Variants in XKR7 observed in about 807,000 individuals in gnomAD.
XKR7 encodes XK-related protein 7.
XKR7 carries 11 observed loss-of-function variants against 42.2 expected under a neutral mutation model. That is an observed-to-expected ratio of 0.26 (90% confidence interval 0.16 to 0.43). The LOEUF is 0.43. Ranked by LOEUF, XKR7 falls within the 20% of genes least tolerant of loss-of-function variation. The pLI is 1.00. For missense variants in XKR7, 710 were observed against 802.2 expected, an observed-to-expected ratio of 0.89 and a Z score of 1.39; for synonymous variants, 346 against 366.4, an observed-to-expected ratio of 0.94 and a Z score of 0.64.
At chr20:31,981,563 G>A (rs930804822) in intron 1 of XKR7, among the ~76,000 whole-genome samples, 2 of 152,024 alleles carry the variant, frequency 1.3e-5, no homozygotes, top group African/African-American at 4.8e-5. Context: ...GTGGTGGCAT[G>A]TATCTGTAAT....
chr20:31,994,361 A>G (rs1469002615), intron 1 of XKR7, among the ~76,000 whole-genome samples: 1 of 152,120 alleles, frequency 6.6e-6, no homozygotes, highest in Non-Finnish European at 1.5e-5. Context: ...ACTGCTTCCT[A>G]GCTGTGTGAC....
At chr20:31,978,380 G>C (rs947896608) in intron 1 of XKR7, among the ~76,000 whole-genome samples, 1 of 152,234 alleles carries the variant, frequency 6.6e-6, no homozygotes, top group Non-Finnish European at 1.5e-5. Flanking sequence ...AAAGTGCTGG[G>C]ATTGCAGGCG....
intron 1 of XKR7, among the ~76,000 whole-genome samples, chr20:31,983,864 C>T (rs1182617255): frequency 6.6e-6 from 1 of 151,990 alleles, no homozygotes; most frequent in East Asian, 1.9e-4. Flanking sequence ...GGGAGAATTG[C>T]TTGAACCCAG....
At chr20:31,979,994 A>AG (rs2064504164) in intron 1 of XKR7, among the ~76,000 whole-genome samples, 1 of 152,078 alleles carries the variant, frequency 6.6e-6, no homozygotes, top group Non-Finnish European at 1.5e-5. Flanking sequence ...TTTGCTGAAG[A>AG]GGGGCTGCCC....
chr20:31,996,717 GCCCACTGGTGCGTCATGA>G lies in XKR7; in HGVS notation c.1003_1020del (p.His335_Thr340del), dbSNP rs1313749110. ...GCTCTATTTTGGCATCTTCATCGTG[GCCCACTGGTGCGTCATGA>G]CCTTCTGGGTCATCCAAGGGGAGAC... On this transcript the variant is annotated inframe_deletion, in exon 3 of 3. Transcript: ENST00000562532. 6.2e-7 allele frequency: 1 copy of G among 1,612,852 alleles called. No individual in the cohort carries two copies. The highest frequency in any genetic ancestry group is 8.5e-7 in the Non-Finnish European group (1 of 1,179,380).
Position 31,998,652 on chromosome 20 carries a change from G to C in XKR7, c.*1195G>C, listed in dbSNP as rs1600664977. ...GGAGCTCTAGGCCCCTGTTACCTTG[G>C]TCCATAGCCATCTTTCTAAAAGGAA... On this transcript the variant is annotated 3_prime_UTR_variant, in exon 3 of 3. Coordinates refer to ENST00000562532, the MANE Select transcript of XKR7 (RefSeq NM_001011718.2). The C allele has an allele frequency of 6.6e-6, 1 of 152,140 alleles. No homozygotes were observed. The highest frequency in any genetic ancestry group is 1.9e-4 in the East Asian group (1 of 5,174). The allele number at this position is 152,140 out of a possible 1,614,324, so 9.4% of individuals were successfully genotyped here.
intron 1 of XKR7, among the ~76,000 whole-genome samples, chr20:31,991,669 C>T (rs945574891): frequency 1.3e-5 from 2 of 152,198 alleles, no homozygotes. Flanking sequence ...TATGTCCCTG[C>T]CCATTAAAAC....
At chr20:31,983,252 G>C (rs949387620) in intron 1 of XKR7, among the ~76,000 whole-genome samples, 1 of 152,188 alleles carries the variant, frequency 6.6e-6, no homozygotes, top group Non-Finnish European at 1.5e-5. Context: ...CACTCTCATG[G>C]AGCCTGCAGT....
At chr20:31,974,261 G>C (rs963433744) in intron 1 of XKR7, among the ~76,000 whole-genome samples, 2 of 152,168 alleles carry the variant, frequency 1.3e-5, no homozygotes, top group African/African-American at 4.8e-5. Context: ...AGATGCATGA[G>C]GAGGCTGCTA....
chr20:31,986,501 G>A (rs2064541163), intron 1 of XKR7, among the ~76,000 whole-genome samples: 1 of 106,070 alleles, frequency 9.4e-6, no homozygotes, highest in Non-Finnish European at 1.9e-5. Flanking sequence ...AACAGATCCA[G>A]TATCCAAGGC....
rs115475259 is a variant in XKR7, at chr20:32,001,399, C to G, written c.*3942C>G. On this transcript the variant is annotated 3_prime_UTR_variant, in exon 3 of 3. Transcript: ENST00000562532. ...CACTCATATTTGGCCCACGTGCCAC[C>G]AGTTTGAGACTTACGGTTCAAAATG... The G allele has an allele frequency of 6.6e-6, 1 of 152,178 alleles. No individual in the cohort carries two copies. Among genetic ancestry groups the G allele is most frequent in the Non-Finnish European group, 1.5e-5 (1 of 68,052 alleles). The allele number at this position is 152,178 out of a possible 1,614,324, so 9.4% of individuals were successfully genotyped here.
intron 1 of XKR7, among the ~76,000 whole-genome samples, chr20:31,976,734 C>T (rs2064487155): frequency 6.6e-6 from 1 of 152,188 alleles, no homozygotes; most frequent in Non-Finnish European, 1.5e-5. Flanking sequence ...CCACTGTTAA[C>T]ATTCTGGGTT....
chr20:31,969,247 C>T (rs1239639914), intron 1 of XKR7, among the ~76,000 whole-genome samples: 2 of 152,210 alleles, frequency 1.3e-5, no homozygotes, highest in East Asian at 3.9e-4. Flanking sequence ...GAATTTGAGA[C>T]AGCTAAATGA....
chr20:31,986,220 T>A (rs1260420165), intron 1 of XKR7, among the ~76,000 whole-genome samples: 3 of 63,172 alleles, frequency 4.7e-5, no homozygotes, highest in South Asian at 5.5e-4. Context: ...AGATCCAGTA[T>A]CCAAGGCACA....
intron 1 of XKR7, chr20:31,970,215 A>G (rs1477943955): frequency 1.3e-5 from 2 of 152,208 alleles, no homozygotes; most frequent in Non-Finnish European, 2.9e-5. Flanking sequence ...AGATGGTGAA[A>G]GATATTTTTA....
chr20:31,974,354 G>A (rs1477021724), intron 1 of XKR7, among the ~76,000 whole-genome samples: 2 of 152,092 alleles, frequency 1.3e-5, no homozygotes, highest in African/African-American at 4.8e-5. Context: ...GAGCTAATGC[G>A]ACCTCTTTCC....
rs1336198449 is a variant in XKR7, at chr20:31,986,631, CACAG to C, written c.585-8426_585-8423del. The stretch of plus-strand genomic sequence containing the variant: ...CACCAAACAGATCCAACATCCAAGA[CACAG>C]ACAGACAGACCACCAAACAGACCAA... On this transcript the variant is annotated intron_variant, in intron 1 of 2. Coordinates refer to ENST00000562532, the MANE Select transcript of XKR7 (RefSeq NM_001011718.2). Among the ~76,000 whole-genome samples, 8 of 144,484 alleles carry C rather than the reference CACAG, an allele frequency of 5.5e-5. No homozygotes were observed. The South Asian group carries it at 1.6e-3, about 28-fold the overall frequency. The allele number at this position is 144,484 out of a possible 152,430, so 94.8% of individuals were successfully genotyped here.
chr20:31,993,180 G>C (rs1366903407), intron 1 of XKR7, among the ~76,000 whole-genome samples: 1 of 151,972 alleles, frequency 6.6e-6, no homozygotes, highest in Non-Finnish European at 1.5e-5. Context: ...GAGTCCTCTG[G>C]TTTGCAGCAA....
At chr20:31,979,796 A>G (rs1271592402) in intron 1 of XKR7, among the ~76,000 whole-genome samples, 1 of 152,074 alleles carries the variant, frequency 6.6e-6, no homozygotes, top group Non-Finnish European at 1.5e-5. Flanking sequence ...CCAAATCCAC[A>G]TGAGGATATC....
Sources: allele counts gnomAD v4.1 joint callset (sites outside exome capture counted in the v4.1 genomes callset), GRCh38; gene constraint gnomAD v4.1.1; transcripts MANE v1.5; gene names NCBI Gene and HGNC (gene_info 2026-07-23, HGNC 2026-07-21).